The following IGFL2 variants were observed in gnomAD, a reference collection of about 807,000 sequenced individuals.
IGFL2 encodes IGF like family member 2.
In IGFL2, 7 loss-of-function variants were observed where a neutral mutation model predicts 13.9. The ratio of observed to expected loss-of-function variants is 0.51; its 90% CI spans 0.29 to 0.95. IGFL2 has a LOEUF of 0.95. Ranked by LOEUF, IGFL2 falls within the 40% of genes least tolerant of loss-of-function variation. IGFL2 has a pLI of 0.08. For synonymous variants in IGFL2, 55 were observed against 55.8 expected (o/e 0.99, Z 0.07); for missense variants, 138 against 147.8 (o/e 0.93, Z 0.34).
the IGFL2 span, among the ~76,000 whole-genome samples, chr19:46,085,409 A>G: frequency 1.3e-5 from 2 of 151,994 alleles, no homozygotes; most frequent in East Asian, 1.9e-4. Flanking sequence ...TTCCTTTTTG[A>G]TCATTATTGG....
chr19:46,166,440 G>A, the IGFL2 span, among the ~76,000 whole-genome samples: 5 of 152,190 alleles, frequency 3.3e-5, no homozygotes, highest in African/African-American at 4.8e-5. Flanking sequence ...CACAAGGCAA[G>A]TGGAGGCAGG....
At chr19:46,104,892 C>G in the IGFL2 span, among the ~76,000 whole-genome samples, 2 of 152,170 alleles carry the variant, frequency 1.3e-5, no homozygotes, top group Non-Finnish European at 2.9e-5. Flanking sequence ...AGATATGTTC[C>G]TTGGTCCAAG....
At chr19:46,146,068 C>T (rs1973120715), upstream of IGFL2, among the ~76,000 whole-genome samples, 1 of 151,722 alleles carries the variant, frequency 6.6e-6, no homozygotes, top group African/African-American at 2.4e-5. Flanking sequence ...CTGATGCCTT[C>T]TCCTTGAAAT....
At chr19:46,188,401 C>A in the IGFL2 span, among the ~76,000 whole-genome samples, 1 of 152,058 alleles carries the variant, frequency 6.6e-6, no homozygotes, top group Non-Finnish European at 1.5e-5. Flanking sequence ...CCGTGACGCT[C>A]ATTCCTGTGA....
At chr19:46,184,826 C>T in the IGFL2 span, among the ~76,000 whole-genome samples, 1 of 152,218 alleles carries the variant, frequency 6.6e-6, no homozygotes, top group South Asian at 2.1e-4. Flanking sequence ...CTTGAGGAAT[C>T]GCCACATTGT....
the IGFL2 span, among the ~76,000 whole-genome samples, chr19:46,106,296 T>C: frequency 1.3e-5 from 2 of 152,070 alleles, no homozygotes; most frequent in East Asian, 3.9e-4. Context: ...TGGGAAGACT[T>C]GTAGGGTGGG....
chr19:46,192,609 A>G, the IGFL2 span, among the ~76,000 whole-genome samples: 1 of 151,730 alleles, frequency 6.6e-6, no homozygotes, highest in Non-Finnish European at 1.5e-5. Context: ...TAGTAGAGAC[A>G]GGGGTTTCAC....
At chr19:46,082,654 C>A in the IGFL2 span, among the ~76,000 whole-genome samples, 1 of 150,724 alleles carries the variant, frequency 6.6e-6, no homozygotes, top group African/African-American at 2.4e-5. Flanking sequence ...TGAAGACACT[C>A]CACTCTGTCA....
chr19:46,186,926 T>A, the IGFL2 span, among the ~76,000 whole-genome samples: 47 of 152,360 alleles, frequency 3.1e-4, no homozygotes, highest in African/African-American at 1.0e-3. Flanking sequence ...CCTAAGTTTA[T>A]TTAAGCTTTG....
upstream of IGFL2, among the ~76,000 whole-genome samples, chr19:46,144,742 AT>A (rs1973029068): frequency 2.0e-5 from 3 of 152,182 alleles, no homozygotes; most frequent in Admixed American, 2.0e-4. Flanking sequence ...ACAGGTATAG[AT>A]TCATGTAGTC....
the IGFL2 span, among the ~76,000 whole-genome samples, chr19:46,086,045 A>G: frequency 6.6e-6 from 1 of 152,168 alleles, no homozygotes; most frequent in South Asian, 2.1e-4. Flanking sequence ...GGTTACTTCA[A>G]AAGACCCATC....
chr19:46,143,844 T>A (rs542049002), upstream of IGFL2, among the ~76,000 whole-genome samples: 126 of 152,348 alleles, frequency 8.3e-4, 1 homozygote, highest in Middle Eastern at 0.017. Context: ...CTTGGTCTAC[T>A]GTGACCCATC....
At chr19:46,176,925 G>C in the IGFL2 span, among the ~76,000 whole-genome samples, 1 of 152,160 alleles carries the variant, frequency 6.6e-6, no homozygotes, top group Non-Finnish European at 1.5e-5. Flanking sequence ...TGAATCTATT[G>C]CCCAGTTGGG....
chr19:46,151,403 C>A (rs984144272), intron 1 of IGFL2, among the ~76,000 whole-genome samples: 2 of 152,112 alleles, frequency 1.3e-5, no homozygotes, highest in African/African-American at 4.8e-5. Flanking sequence ...AATTTGATTT[C>A]AACAAATCTA....
chr19:46,215,013 C>A, the IGFL2 span, among the ~76,000 whole-genome samples: 1 of 151,996 alleles, frequency 6.6e-6, no homozygotes, highest in Non-Finnish European at 1.5e-5. Context: ...TCAGCACATC[C>A]CATCAGTGTG....
At chr19:46,091,185 C>T in the IGFL2 span, among the ~76,000 whole-genome samples, 1 of 152,164 alleles carries the variant, frequency 6.6e-6, no homozygotes, top group Admixed American at 6.5e-5. Context: ...AGTCCTAATG[C>T]ACCATCTTGC....
chr19:46,148,677 ACTC>A, intron 1 of IGFL2: 3 of 551,490 alleles, frequency 5.4e-6, no homozygotes, highest in Non-Finnish European at 9.6e-6. Flanking sequence ...TTATTTTTGA[ACTC>A]CTGGGCTCAG....
chr19:46,207,120 G>A, the IGFL2 span: 8,133 of 152,306 alleles, frequency 0.053, 361 homozygotes, highest in East Asian at 0.11. Flanking sequence ...AGGTGGACAG[G>A]GGAAGCGATG....
At chr19:46,112,711 G>A in the IGFL2 span, among the ~76,000 whole-genome samples, 1 of 152,232 alleles carries the variant, frequency 6.6e-6, no homozygotes, top group South Asian at 2.1e-4. Context: ...GGAGGAGTGG[G>A]AGTAGACAGC....
Sources: allele counts gnomAD v4.1 joint callset (sites outside exome capture counted in the v4.1 genomes callset), GRCh38; gene constraint gnomAD v4.1.1; transcripts MANE v1.5; gene names NCBI Gene and HGNC (gene_info 2026-07-23, HGNC 2026-07-21).